The following FGF14 variants were observed in gnomAD, a reference collection of about 807,000 sequenced individuals.
FGF14 encodes the protein fibroblast growth factor 14.
In FGF14, 5 loss-of-function variants were observed where a neutral mutation model predicts 25.5. The ratio of observed to expected loss-of-function variants is 0.20; its 90% CI spans 0.10 to 0.41. The LOEUF (loss-of-function observed/expected upper bound fraction) is 0.41, where lower values mean the gene tolerates loss of function less well. Ranked by LOEUF, FGF14 falls within the 10% of genes least tolerant of loss-of-function variation. The pLI, the probability that FGF14 is intolerant of heterozygous loss-of-function variation, is 1.00. For missense variants in FGF14, 222 were observed against 320.1 expected (o/e 0.69, Z 2.34); for synonymous variants, 138 against 118.3 (o/e 1.17, Z -1.08).
chr13:102,157,283 C>T (rs1345371099), intron 1 of FGF14, among the ~76,000 whole-genome samples: 1 of 152,206 alleles, frequency 6.6e-6, no homozygotes, highest in Non-Finnish European at 1.5e-5. Context: ...GTAACCAAAG[C>T]AGCATGGTAC....
chr13:101,913,747 A>G (rs2033189716), intron 1 of FGF14, among the ~76,000 whole-genome samples: 1 of 151,934 alleles, frequency 6.6e-6, no homozygotes, highest in Admixed American at 6.6e-5. Context: ...TCATCTCTCA[A>G]CCTGTGGATC....
intron 1 of FGF14, among the ~76,000 whole-genome samples, chr13:102,103,190 A>C (rs1485089878): frequency 2.0e-5 from 3 of 152,188 alleles, no homozygotes; most frequent in Non-Finnish European, 2.9e-5. Flanking sequence ...AAGTAGGAGA[A>C]TGAATACCAA....
rs779148079 is a variant in FGF14 at position 101,797,770 on chromosome 13, T to TGCGCGC, written c.408+70954_408+70955insGCGCGC. On this transcript the variant is annotated intron_variant, in intron 3 of 4. Transcript: ENST00000376143. Reference sequence around the variant, plus strand: ...GTGTGTGTGTGTGTGTGTGTGTGTGTGTGTGTGTGTGTTCAACCTCAGTAG... The same window carrying TGCGCGC: ...GTGTGTGTGTGTGTGTGTGTGTGTGTGCGCGCGTGTGTGTGTGTTCAACCTCAGTAG... 5.9e-4 allele frequency among the ~76,000 whole-genome samples: 85 copies of TGCGCGC among 144,042 alleles called. 1 individual carries two copies. The highest frequency in any genetic ancestry group is 1.6e-3 in the Admixed American group (24 of 14,700). 94.5% of individuals were successfully genotyped at this position (144,042 alleles called of 152,430 possible). A position where few individuals can be genotyped will look rare whatever the true frequency, so the allele number is the denominator to read the frequency against.
chr13:102,199,429 T>C (rs2049512065), intron 1 of FGF14, among the ~76,000 whole-genome samples: 1 of 152,230 alleles, frequency 6.6e-6, no homozygotes, highest in South Asian at 2.1e-4. Flanking sequence ...ATGGATTATT[T>C]GTCTTCAGAA....
intron 1 of FGF14, among the ~76,000 whole-genome samples, chr13:102,084,207 A>T (rs374061096): frequency 8.1e-4 from 123 of 152,152 alleles, no homozygotes; most frequent in African/African-American, 2.8e-3. Flanking sequence ...CTTCCCACAC[A>T]TTTCCTAACC....
chr13:101,874,463 A>G (rs985952644), intron 2 of FGF14, among the ~76,000 whole-genome samples: 1 of 152,184 alleles, frequency 6.6e-6, no homozygotes, highest in Non-Finnish European at 1.5e-5. Context: ...AATATGCTAA[A>G]TTAAAAATGA....
At chr13:102,176,862 T>TA (rs11421721) in intron 1 of FGF14, among the ~76,000 whole-genome samples, 2 of 37,436 alleles carry the variant, frequency 5.3e-5, no homozygotes, top group Non-Finnish European at 8.8e-5. Flanking sequence ...AAACGTGTGG[T>TA]TTTTTTGTAT....
chr13:102,337,302 G>A (rs2056815716), intron 1 of FGF14, among the ~76,000 whole-genome samples: 1 of 152,108 alleles, frequency 6.6e-6, no homozygotes, highest in Non-Finnish European at 1.5e-5. Context: ...GACTTTGAGG[G>A]GTTCAGAACT....
At chr13:102,283,163 A>C (rs1244487969) in intron 1 of FGF14, among the ~76,000 whole-genome samples, 2 of 152,190 alleles carry the variant, frequency 1.3e-5, no homozygotes, top group African/African-American at 4.8e-5. Context: ...CAAGAAAAGA[A>C]GGGGACATAT....
intron 1 of FGF14, among the ~76,000 whole-genome samples, chr13:102,390,335 A>T (rs1344461816): frequency 6.6e-6 from 1 of 152,248 alleles, no homozygotes; most frequent in Non-Finnish European, 1.5e-5. Context: ...ATTTTAATGT[A>T]TATAAATTAT....
At chr13:102,401,210 T>TAAA (rs112789825) in intron 1 of FGF14, among the ~76,000 whole-genome samples, 32 of 136,672 alleles carry the variant, frequency 2.3e-4, no homozygotes, top group African/African-American at 7.8e-4. Flanking sequence ...CCAAATACAT[T>TAAA]AAAAAAAAAA....
At chr13:101,804,299 G>C (rs559988788) in intron 3 of FGF14, among the ~76,000 whole-genome samples, 1 of 152,106 alleles carries the variant, frequency 6.6e-6, no homozygotes, top group South Asian at 2.1e-4. Context: ...GAAAGTGATG[G>C]AATGAAATGG....
intron 1 of FGF14, among the ~76,000 whole-genome samples, chr13:101,943,711 C>T (rs981403751): frequency 3.3e-5 from 5 of 151,768 alleles, no homozygotes; most frequent in Admixed American, 1.3e-4. Context: ...CAGTGGCTCA[C>T]GCCTGTAATC....
Position 101,717,065 on chromosome 13 carries a change from T to C in FGF14, c.*5766A>G, listed in dbSNP as rs572361610. Reference sequence around the variant, plus strand: ...ATTACTTTGTAAAATCCTAGAATAATGTAGCAAAATCATTTCCGTATTACT... The same window carrying C: ...ATTACTTTGTAAAATCCTAGAATAACGTAGCAAAATCATTTCCGTATTACT... On this transcript the variant is annotated 3_prime_UTR_variant, in exon 5 of 5. Coordinates refer to ENST00000376143, the MANE Select transcript of FGF14 (RefSeq NM_004115.4). 1 of 152,058 alleles carries C rather than the reference T, an allele frequency of 6.6e-6. No homozygotes were observed. 9.4% of individuals were successfully genotyped at this position (152,058 alleles called of 1,614,324 possible). A position where few individuals can be genotyped will look rare whatever the true frequency, so the allele number is the denominator to read the frequency against.
At chr13:102,026,201 C>T (rs189354696) in intron 1 of FGF14, among the ~76,000 whole-genome samples, 20 of 151,964 alleles carry the variant, frequency 1.3e-4, no homozygotes, top group African/African-American at 4.6e-4. Flanking sequence ...GATGAGCATG[C>T]TATATTTTGT....
At chr13:101,751,510 A>C (rs2037271890) in intron 3 of FGF14, among the ~76,000 whole-genome samples, 1 of 152,152 alleles carries the variant, frequency 6.6e-6, no homozygotes, top group Non-Finnish European at 1.5e-5. Context: ...ATTCTCAGCA[A>C]TTATGCATCA....
At chr13:102,320,824 T>C (rs903081456) in intron 1 of FGF14, among the ~76,000 whole-genome samples, 16 of 152,232 alleles carry the variant, frequency 1.1e-4, no homozygotes, top group African/African-American at 3.9e-4. Flanking sequence ...GGATAGTGAA[T>C]GTTCATTGTG....
At chr13:101,878,718 T>C (rs1393382085) in intron 1 of FGF14, among the ~76,000 whole-genome samples, 4 of 151,938 alleles carry the variant, frequency 2.6e-5, no homozygotes, top group South Asian at 4.1e-4. Context: ...AGTTTGAAAA[T>C]GTAAAGACAA....
intron 1 of FGF14, among the ~76,000 whole-genome samples, chr13:102,302,291 T>C (rs1273627118): frequency 6.6e-6 from 1 of 152,162 alleles, no homozygotes; most frequent in African/African-American, 2.4e-5. Flanking sequence ...CAGCGTTTTA[T>C]ACAATTAATC....
Sources: gnomAD v4.1 joint callset for allele counts (sites outside exome capture counted in the v4.1 genomes callset) on GRCh38, gnomAD v4.1.1 for gene constraint, MANE v1.5 for transcripts, NCBI Gene and HGNC (gene_info 2026-07-23, HGNC 2026-07-21) for gene names.